NAV3: variants seen among roughly 807,000 people sequenced by gnomAD.
The protein encoded by NAV3 is neuron navigator 3, also known as pore membrane and/or filament interacting like protein 1.
A neutral mutation model predicts 244.7 loss-of-function variants in NAV3; 87 were observed. The observed-to-expected ratio is 0.36, with a 90% CI of 0.30 to 0.42. The LOEUF is 0.42. NAV3 is among the 20% of genes least tolerant of loss of function. The probability of loss-of-function intolerance (pLI) is 1.00; values close to 1 mark genes in which losing one functional copy is unlikely to be tolerated. For missense variants in NAV3, 2,663 were observed against 2,893.3 expected (o/e 0.92, Z 1.83); for synonymous variants, 1,126 against 1,042.2 (o/e 1.08, Z -1.55).
At chr12:77,597,479 C>T (rs1043286568) in intron 2 of NAV3, among the ~76,000 whole-genome samples, 1 of 152,024 alleles carries the variant, frequency 6.6e-6, no homozygotes, top group East Asian at 1.9e-4. Flanking sequence ...AGAAAAATAT[C>T]ACTATTTTAT....
chr12:77,883,407 C>A (rs940733605), intron 1 of NAV3, among the ~76,000 whole-genome samples: 2 of 151,890 alleles, frequency 1.3e-5, no homozygotes, highest in Non-Finnish European at 2.9e-5. Context: ...ATGGAGATAA[C>A]CATGGGAACA....
intron 31 of NAV3, among the ~76,000 whole-genome samples, chr12:78,187,944 C>T (rs1191948961): frequency 6.6e-6 from 1 of 151,902 alleles, no homozygotes; most frequent in African/African-American, 2.4e-5. Context: ...CTTTCAGATT[C>T]CTTCACCTTT....
chr12:77,820,695 C>T (rs1045387063), intron 2 of NAV3, among the ~76,000 whole-genome samples: 2 of 151,974 alleles, frequency 1.3e-5, no homozygotes, highest in Admixed American at 6.6e-5. Flanking sequence ...GCACACTCTA[C>T]CAGTGTGTGT....
At chr12:77,864,330 C>T (rs1359076889) in intron 1 of NAV3, among the ~76,000 whole-genome samples, 1 of 151,808 alleles carries the variant, frequency 6.6e-6, no homozygotes, top group African/African-American at 2.4e-5. Context: ...TTTGTTAAAA[C>T]ATACCTTGTT....
Position 78,180,990 on chromosome 12 carries a change from G to T in NAV3, c.5637G>T (p.Arg1879Ser), listed in dbSNP as rs200243531. 1 of 1,613,198 alleles carries T rather than the reference G, an allele frequency of 6.2e-7. No homozygotes were observed. Reference protein sequence around the residue: ...SSSSTSSSSSRQSLGLSLNNL... With the variant: ...SSSSTSSSSSSQSLGLSLNNL... ...GCAGCACCTCCTCTTCATCTTCCAGGCAGTCATTAGGACTTTCTCTAAACA... is the reference window on the plus strand; with the variant it reads ...GCAGCACCTCCTCTTCATCTTCCAGTCAGTCATTAGGACTTTCTCTAAACA... Residue 1879 changes from arginine to serine, a missense_variant, in exon 30 of 40, where the codon AGG becomes AGT. Transcript: ENST00000397909.
intron 2 of NAV3, among the ~76,000 whole-genome samples, chr12:77,820,585 C>G (rs550158756): frequency 1.3e-5 from 2 of 152,198 alleles, no homozygotes; most frequent in South Asian, 4.1e-4. Context: ...ACATTCAAAC[C>G]ATTGCAATGT....
chr12:77,899,147 A>T lies in NAV3; in HGVS notation c.244-41172A>T, dbSNP rs1172942457. On this transcript the variant is annotated intron_variant, in intron 1 of 39. Transcript: ENST00000397909. The stretch of plus-strand genomic sequence containing the variant: ...AAAGTGGTTTCTATTCTTGAGATAG[A>T]ATCTACTTTTGGTAAAGATGCTGTA... Among the ~76,000 whole-genome samples the T allele has an allele frequency of 3.3e-5, 5 of 152,342 alleles. No homozygotes were observed. The East Asian group carries it at 7.7e-4, about 24-fold the overall frequency.
chr12:78,123,452 T>G (rs1443462130), intron 16 of NAV3, among the ~76,000 whole-genome samples: 1 of 152,102 alleles, frequency 6.6e-6, no homozygotes, highest in African/African-American at 2.4e-5. Context: ...TTAAAGCCCT[T>G]AGCTAGACAC....
At chr12:78,116,462 G>C (rs1173523483) in intron 12 of NAV3, among the ~76,000 whole-genome samples, 1 of 152,074 alleles carries the variant, frequency 6.6e-6, no homozygotes, top group Non-Finnish European at 1.5e-5. Flanking sequence ...AAAGTCAGCT[G>C]TAATATTATT....
chr12:77,999,320 G>A (rs79085383), intron 7 of NAV3, among the ~76,000 whole-genome samples: 1,734 of 152,350 alleles, frequency 0.011, 17 homozygotes, highest in South Asian at 0.037. Flanking sequence ...TTTCTTCAGA[G>A]TGTTGGGCTC....
rs144525359 is a variant in NAV3, at chr12:78,150,793, G to A, written c.4785+1874G>A. On this transcript the variant is annotated intron_variant, in intron 22 of 39. Coordinates refer to ENST00000397909, the MANE Select transcript of NAV3 (RefSeq NM_001024383.2). ...GTTCCTGCAGTTGGCTACCCACCTCGTCTGCTCTAATTATGCTTGTCACAC... is the reference window on the plus strand; with the variant it reads ...GTTCCTGCAGTTGGCTACCCACCTCATCTGCTCTAATTATGCTTGTCACAC... Among the ~76,000 whole-genome samples the A allele has an allele frequency of 3.4e-4, 51 of 151,874 alleles. 2 individuals carry two copies. Among genetic ancestry groups the A allele is most frequent in the African/African-American group, 9.9e-4 (41 of 41,464 alleles).
intron 12 of NAV3, among the ~76,000 whole-genome samples, chr12:78,115,527 C>A (rs2138487780): frequency 6.6e-6 from 1 of 152,270 alleles, no homozygotes; most frequent in East Asian, 1.9e-4. Context: ...TTAGCCTCCA[C>A]ATGATATTAA....
At chr12:77,817,472 A>T (rs2136019285) in intron 2 of NAV3, among the ~76,000 whole-genome samples, 1 of 152,242 alleles carries the variant, frequency 6.6e-6, no homozygotes, top group East Asian at 1.9e-4. Flanking sequence ...AGTTTCCTTG[A>T]CAGAGTCGTT....
intron 2 of NAV3, among the ~76,000 whole-genome samples, chr12:77,657,750 T>G (rs1873192387): frequency 6.6e-6 from 1 of 152,132 alleles, no homozygotes; most frequent in South Asian, 2.1e-4. Flanking sequence ...ATCCAAAAGC[T>G]TATCCACCAT....
intron 2 of NAV3, among the ~76,000 whole-genome samples, chr12:77,574,168 A>G (rs896394111): frequency 3.9e-5 from 6 of 152,170 alleles, no homozygotes; most frequent in Admixed American, 2.6e-4. Flanking sequence ...AGAGGAATGA[A>G]TGTTTTCAAT....
intron 2 of NAV3, among the ~76,000 whole-genome samples, chr12:77,662,217 ATATCTATCTGTCTATCTATCTATC>A (rs1361806417): frequency 3.0e-4 from 32 of 105,826 alleles, no homozygotes; most frequent in Admixed American, 1.3e-3. Context: ...ATATATCTTC[ATATCTATCTGTCTATCTATCTATC>A]TATCTATCTA....
chr12:77,891,723 AC>A (rs1883963703), intron 1 of NAV3, among the ~76,000 whole-genome samples: 2 of 152,288 alleles, frequency 1.3e-5, no homozygotes, highest in South Asian at 2.1e-4. Flanking sequence ...CTTGTACATG[AC>A]CCCAAAGCCA....
chr12:77,989,672 C>T (rs1871130868), intron 5 of NAV3, among the ~76,000 whole-genome samples: 1 of 151,994 alleles, frequency 6.6e-6, no homozygotes, highest in African/African-American at 2.4e-5. Flanking sequence ...ATTGATAAGA[C>T]CAGTGGGTTA....
chr12:77,695,409 CT>C (rs1328950088), intron 2 of NAV3, among the ~76,000 whole-genome samples: 3 of 152,130 alleles, frequency 2.0e-5, no homozygotes, highest in Non-Finnish European at 4.4e-5. Flanking sequence ...AAGAGACTGT[CT>C]TTTCCCCAGT....
Sources: gnomAD v4.1 joint callset for allele counts (sites outside exome capture counted in the v4.1 genomes callset) on GRCh38, gnomAD v4.1.1 for gene constraint, MANE v1.5 for transcripts, NCBI Gene and HGNC (gene_info 2026-07-23, HGNC 2026-07-21) for gene names.